The following SDHAF2 variants were observed in gnomAD, a reference collection of about 807,000 sequenced individuals.
SDHAF2 encodes succinate dehydrogenase assembly factor 2, mitochondrial.
Under a neutral mutation model 18.5 loss-of-function variants are expected in SDHAF2, and 21 were observed. The observed-to-expected ratio is 1.13, with a 90% CI of 0.80 to 1.63. SDHAF2 has a LOEUF of 1.63. Among genes scored for constraint, SDHAF2 ranks in the 40% most tolerant of loss-of-function variants. The pLI is 0.00. For missense variants in SDHAF2, 195 were observed against 200.3 expected, an observed-to-expected ratio of 0.97 and a Z score of 0.16; for synonymous variants, 84 against 70.7, an observed-to-expected ratio of 1.19 and a Z score of -0.94.
chr11:61,431,824 G>A (rs1230903360), intron 1 of SDHAF2: 3 of 152,266 alleles, frequency 2.0e-5, no homozygotes, highest in African/African-American at 7.2e-5. Flanking sequence ...AGGAGTAGCT[G>A]GGACTACAGG....
rs886048420 is a variant in SDHAF2 at position 61,446,460 on chromosome 11, C to T, written c.*389C>T. The T allele has an allele frequency of 1.9e-5, 10 of 528,830 alleles. No individual in the cohort carries two copies. Among genetic ancestry groups the T allele is most frequent in the South Asian group, 6.1e-5 (2 of 32,840 alleles). The allele number at this position is 528,830 out of a possible 1,614,324, so 32.8% of individuals were successfully genotyped here. A position where few individuals can be genotyped will look rare whatever the true frequency, so the allele number is the denominator to read the frequency against. ...TGTGCGTGCTGTATGGAAAGCCTCCCGCCCTCCCTGCAGCTCCCCGCCCTC... is the reference window on the plus strand; with the variant it reads ...TGTGCGTGCTGTATGGAAAGCCTCCTGCCCTCCCTGCAGCTCCCCGCCCTC... On this transcript the variant is annotated 3_prime_UTR_variant, in exon 4 of 4. Transcript: ENST00000301761.
At chr11:61,439,296 T>A (rs1862035748) in intron 3 of SDHAF2, among the ~76,000 whole-genome samples, 1 of 152,166 alleles carries the variant, frequency 6.6e-6, no homozygotes, top group African/African-American at 2.4e-5. Flanking sequence ...GTTTTCTACT[T>A]CTTGATCCAG....
chr11:61,442,397 T>C (rs1862078885), intron 3 of SDHAF2, among the ~76,000 whole-genome samples: 1 of 152,222 alleles, frequency 6.6e-6, no homozygotes, highest in Admixed American at 6.5e-5. Context: ...GGTGTTACCA[T>C]GTGCTGTTTT....
chr11:61,437,744 G>T lies in SDHAF2; in HGVS notation c.156G>T (p.Leu52Phe). Reference protein sequence around the residue: ...DSQKDMIEIPLPPWQERTDES... With the variant: ...DSQKDMIEIPFPPWQERTDES... ...AAAAGGACATGATTGAAATCCCTTT[G>T]CCTCCATGGCAGGAGAGAACTGATG... The change falls in exon 2 of 4, where the codon TTG (leucine) becomes TTT (phenylalanine). Residue 52 changes from leucine to phenylalanine, a missense_variant. Coordinates refer to ENST00000301761, the MANE Select transcript of SDHAF2 (RefSeq NM_017841.4). The T allele has an allele frequency of 2.5e-6, 4 of 1,614,148 alleles. No individual in the cohort carries two copies. Among genetic ancestry groups the T allele is most frequent in the Non-Finnish European group, 3.4e-6 (4 of 1,180,020 alleles).
intron 3 of SDHAF2, among the ~76,000 whole-genome samples, chr11:61,439,527 T>C (rs946576732): frequency 2.0e-5 from 3 of 152,200 alleles, no homozygotes; most frequent in African/African-American, 7.2e-5. Flanking sequence ...TTAGGGGACG[T>C]GTCATTCATT....
Position 61,430,158 on chromosome 11 carries a change from T to C in SDHAF2, c.12T>C (p.Ser4=). 1.2e-6 allele frequency: 2 copies of C among 1,614,206 alleles called. No individual in the cohort carries two copies. Among genetic ancestry groups the C allele is most frequent in the Non-Finnish European group, 1.7e-6 (2 of 1,180,010 alleles). Residue 4 remains serine, a synonymous_variant, in exon 1 of 4, where the codon TCT becomes TCC. Coordinates refer to ENST00000301761, the MANE Select transcript of SDHAF2 (RefSeq NM_017841.4). The part of the protein sequence containing the change: MAV[S]TVFSTSSLML... ...TGCAGGTGGGGAAAATGGCGGTGTCTACAGTGTTCTCGACTTCGTCGCTGG... is the reference window on the plus strand; with the variant it reads ...TGCAGGTGGGGAAAATGGCGGTGTCCACAGTGTTCTCGACTTCGTCGCTGG...
At chr11:61,443,703 C>T (rs987459296) in intron 3 of SDHAF2, among the ~76,000 whole-genome samples, 7 of 152,132 alleles carry the variant, frequency 4.6e-5, no homozygotes, top group African/African-American at 7.2e-5. Context: ...CCTCCACCTC[C>T]CAGGTTCAAG....
intron 3 of SDHAF2, among the ~76,000 whole-genome samples, chr11:61,441,495 T>G (rs1329911541): frequency 1.4e-5 from 2 of 141,702 alleles, no homozygotes; most frequent in African/African-American, 2.7e-5. Context: ...TACTCCAGCC[T>G]GGGTGACAGA....
At chr11:61,437,475 T>G (rs1862006876) in intron 1 of SDHAF2, 150 bp from the exon 2 acceptor site, 9 of 775,086 alleles carry the variant, frequency 1.2e-5, no homozygotes, top group Admixed American at 7.5e-5. Flanking sequence ...GTGCTGGGAT[T>G]ACAGGTGTGC....
intron 1 of SDHAF2, chr11:61,430,491 T>A (rs770695192): frequency 1.9e-6 from 1 of 519,260 alleles, no homozygotes; most frequent in Non-Finnish European, 3.4e-6. Context: ...TCCCCGTTCT[T>A]TAGTCTTTAA....
chr11:61,435,033 A>G (rs1276669144), intron 1 of SDHAF2: 1 of 151,126 alleles, frequency 6.6e-6, no homozygotes, highest in African/African-American at 2.4e-5. Flanking sequence ...GCCGGGCCTA[A>G]TTTTTTAATT....
intron 1 of SDHAF2, chr11:61,436,701 G>C (rs1861998304): frequency 2.5e-6 from 1 of 399,234 alleles, no homozygotes; most frequent in Non-Finnish European, 4.9e-6. Flanking sequence ...ATTCGATGCA[G>C]CTGGTTTTGT....
In SDHAF2 at chr11:61,446,125, T is replaced by C. The variant is rs1487116700; in HGVS notation, c.*54T>C. 1.2e-5 allele frequency: 20 copies of C among 1,607,244 alleles called. No individual in the cohort carries two copies. The highest frequency in any genetic ancestry group is 5.5e-5 in the South Asian group (5 of 90,964). On this transcript the variant is annotated 3_prime_UTR_variant, in exon 4 of 4. Coordinates refer to ENST00000301761, the MANE Select transcript of SDHAF2 (RefSeq NM_017841.4). The stretch of plus-strand genomic sequence containing the variant: ...TCAGTCTGTGGATGGTAACTACTTA[T>C]GATGGACGTTAGCCTTGCTTCCGGC...
chr11:61,442,766 G>GT (rs1186383190), intron 3 of SDHAF2, among the ~76,000 whole-genome samples: 1 of 151,776 alleles, frequency 6.6e-6, no homozygotes, highest in African/African-American at 2.4e-5. Context: ...TTTGTTTTTT[G>GT]TTTTTTTGAG....
chr11:61,439,311 G>A (rs1862035997), intron 3 of SDHAF2, among the ~76,000 whole-genome samples: 1 of 152,164 alleles, frequency 6.6e-6, no homozygotes, highest in Non-Finnish European at 1.5e-5. Context: ...ATCCAGGACA[G>A]CCATATTTCA....
chr11:61,437,873 T>G (rs1390481129), intron 2 of SDHAF2, 25 bp downstream of exon 2: 1 of 1,605,748 alleles, frequency 6.2e-7, no homozygotes, highest in African/African-American at 1.3e-5. Flanking sequence ...GTCTTTTTTT[T>G]TAAATCGGGC....
intron 1 of SDHAF2, chr11:61,432,796 CAT>C (rs1423647409): frequency 2.6e-5 from 4 of 152,116 alleles, no homozygotes; most frequent in South Asian, 4.1e-4. Context: ...TTATATAAAA[CAT>C]AACAATCTGT....
rs778671770 is a variant in SDHAF2 at position 61,430,124 on chromosome 11, G to A, written c.-23G>A. On this transcript the variant is annotated 5_prime_UTR_variant, in exon 1 of 4. Coordinates refer to ENST00000301761, the MANE Select transcript of SDHAF2 (RefSeq NM_017841.4). ...AGTTCCCGGAAGTGCCCGCGCAGCC[G>A]GTTTCCGGTGCAGGTGGGGAAAATG... The A allele has an allele frequency of 4.2e-5, 67 of 1,614,066 alleles. No individual in the cohort carries two copies. In the South Asian group the frequency reaches 5.5e-4, roughly 13 times the overall value.
chr11:61,440,182 G>GACAAC (rs1862045409), intron 3 of SDHAF2, among the ~76,000 whole-genome samples: 1 of 152,082 alleles, frequency 6.6e-6, no homozygotes, highest in East Asian at 1.9e-4. Context: ...GCGTGTGGTG[G>GACAAC]TGCGCCCAGC....
Sources: allele counts gnomAD v4.1 joint callset (sites outside exome capture counted in the v4.1 genomes callset), GRCh38; gene constraint gnomAD v4.1.1; transcripts MANE v1.5; gene names NCBI Gene and HGNC (gene_info 2026-07-23, HGNC 2026-07-21).